Variants in PDE4D observed in about 807,000 individuals in gnomAD.
PDE4D encodes phosphodiesterase 4D.
Under a neutral mutation model 87.4 loss-of-function variants are expected in PDE4D, and 24 were observed. That is an observed-to-expected ratio of 0.27 (90% confidence interval 0.20 to 0.39). PDE4D has a LOEUF of 0.39. PDE4D is among the 10% of genes least tolerant of loss of function. The pLI is 1.00. For missense variants in PDE4D, 714 were observed against 1,041.0 expected (o/e 0.69, Z 4.32); for synonymous variants, 384 against 383.2 (o/e 1.00, Z -0.02).
rs1261595268 is a variant in PDE4D at position 60,315,725 on chromosome 5, G to A, written c.-89-130038C>T. Among the ~76,000 whole-genome samples the A allele has an allele frequency of 4.6e-5, 7 of 152,148 alleles. No homozygotes were observed. In the East Asian group the frequency reaches 7.7e-4, roughly 17 times the overall value. ...CATATGGCTAGCCAGTTTTCCCAGT[G>A]CCATTTATTAAATAGGGAATCCTTT... On this transcript the variant is annotated intron_variant, in intron 1 of 16. Transcript: ENST00000502484.
chr5:59,259,664 GA>G (rs140337911), intron 1 of PDE4D, among the ~76,000 whole-genome samples: 12,213 of 151,438 alleles, frequency 0.081, 624 homozygotes, highest in Non-Finnish European at 0.12. Flanking sequence ...GGATAACTGA[GA>G]AAAAAAAGAA....
chr5:60,207,350 AT>A (rs1201312476), intron 1 of PDE4D, among the ~76,000 whole-genome samples: 1 of 152,224 alleles, frequency 6.6e-6, no homozygotes, highest in Non-Finnish European at 1.5e-5. Context: ...CTTAGCTTGG[AT>A]TTGATCCAGT....
At chr5:59,745,119 CA>C (rs1759417170) in intron 1 of PDE4D, among the ~76,000 whole-genome samples, 1 of 152,048 alleles carries the variant, frequency 6.6e-6, no homozygotes, top group African/African-American at 2.4e-5. Flanking sequence ...ATGCTTTCTT[CA>C]ATGAATATGG....
chr5:59,780,069 A>G (rs1021082182), intron 1 of PDE4D, among the ~76,000 whole-genome samples: 4 of 152,198 alleles, frequency 2.6e-5, no homozygotes, highest in Admixed American at 6.5e-5. Flanking sequence ...AGAAATTAAG[A>G]AGAGCGTCAG....
chr5:59,797,819 T>A (rs1387591223), intron 1 of PDE4D, among the ~76,000 whole-genome samples: 1 of 152,156 alleles, frequency 6.6e-6, no homozygotes, highest in East Asian at 1.9e-4. Flanking sequence ...ATTATTATTA[T>A]TATTTACTAG....
intron 1 of PDE4D, among the ~76,000 whole-genome samples, chr5:59,544,163 G>A (rs1816858410): frequency 6.6e-6 from 1 of 152,150 alleles, no homozygotes; most frequent in Admixed American, 6.6e-5. Context: ...CTGCAGCAAG[G>A]AAAACTAGGT....
intron 1 of PDE4D, among the ~76,000 whole-genome samples, chr5:59,311,063 C>T (rs1772480776): frequency 6.6e-6 from 1 of 152,100 alleles, no homozygotes; most frequent in Admixed American, 6.6e-5. Flanking sequence ...CAGCCAGAGG[C>T]CACAGGTGCA....
rs575400574 is a variant in PDE4D at position 59,824,318 on chromosome 5, C to T, written c.455+68850G>A. On this transcript the variant is annotated intron_variant, in intron 1 of 14. Coordinates refer to ENST00000340635, the MANE Select transcript of PDE4D (RefSeq NM_001104631.2). Reference sequence around the variant, plus strand: ...CTCTTCTAGTACATGTCCACTGGAACTGGCCACGTTTCAAGTGCTCCATCA... The same window carrying T: ...CTCTTCTAGTACATGTCCACTGGAATTGGCCACGTTTCAAGTGCTCCATCA... 3.9e-5 allele frequency among the ~76,000 whole-genome samples: 6 copies of T among 152,284 alleles called. No individual in the cohort carries two copies. The South Asian group carries it at 1.2e-3, about 32-fold the overall frequency.
chr5:59,171,184 T>A (rs1278863161), intron 5 of PDE4D, among the ~76,000 whole-genome samples: 1 of 151,918 alleles, frequency 6.6e-6, no homozygotes, highest in African/African-American at 2.4e-5. Context: ...ACCTGGCTCA[T>A]ACTTTCACTT....
intron 1 of PDE4D, among the ~76,000 whole-genome samples, chr5:59,425,892 T>A (rs910041378): frequency 4.6e-5 from 7 of 152,324 alleles, no homozygotes; most frequent in Admixed American, 4.6e-4. Flanking sequence ...ATGGGCTGAA[T>A]TGTGTCTACC....
chr5:59,514,394 C>T (rs912902006), intron 1 of PDE4D, among the ~76,000 whole-genome samples: 6 of 152,120 alleles, frequency 3.9e-5, no homozygotes, highest in Non-Finnish European at 8.8e-5. Context: ...CGTGAGCCAC[C>T]GCACCCGGCC....
At chr5:59,346,854 T>C (rs1410672378) in intron 1 of PDE4D, among the ~76,000 whole-genome samples, 2 of 152,306 alleles carry the variant, frequency 1.3e-5, no homozygotes, top group Middle Eastern at 3.4e-3. Flanking sequence ...AGTCCTTTTC[T>C]AGAACCAGTA....
intron 6 of PDE4D, among the ~76,000 whole-genome samples, 158 bp downstream of exon 6, chr5:59,038,701 C>T (rs1023246082): frequency 6.6e-6 from 1 of 152,164 alleles, no homozygotes; most frequent in East Asian, 1.9e-4. Flanking sequence ...GGAGGCAAAG[C>T]AAGGAAACAG....
chr5:60,024,674 A>ATTTT (rs1766434494), intron 2 of PDE4D, among the ~76,000 whole-genome samples: 2 of 152,170 alleles, frequency 1.3e-5, no homozygotes, highest in African/African-American at 4.8e-5. Flanking sequence ...CAAATTTGTA[A>ATTTT]GTCATATTTT....
intron 1 of PDE4D, among the ~76,000 whole-genome samples, chr5:60,318,898 C>T (rs1240858334): frequency 2.0e-5 from 3 of 152,148 alleles, no homozygotes; most frequent in Admixed American, 6.5e-5. Context: ...CCCGACCTTC[C>T]TCTCTGGCTG....
chr5:59,158,817 C>T (rs1321452883), intron 5 of PDE4D, among the ~76,000 whole-genome samples: 1 of 152,198 alleles, frequency 6.6e-6, no homozygotes, highest in African/African-American at 2.4e-5. Flanking sequence ...GAGGTCATTG[C>T]TCTTTCCTGG....
At chr5:59,479,721 C>G (rs1803925156) in intron 1 of PDE4D, among the ~76,000 whole-genome samples, 7 of 152,012 alleles carry the variant, frequency 4.6e-5, no homozygotes, top group Admixed American at 4.6e-4. Context: ...AATACATATG[C>G]CGAGTGGTAA....
rs532753284 is a variant in PDE4D at position 59,868,376 on chromosome 5, G to A, written c.455+24792C>T. On this transcript the variant is annotated intron_variant, in intron 1 of 14. Transcript: ENST00000340635. The stretch of plus-strand genomic sequence containing the variant: ...CATCTAGGTTCTCATGTCTGCTTCC[G>A]TATTCAATCTGTTATGAAATAATAT... Among the ~76,000 whole-genome samples, 20 of 152,130 alleles carry A rather than the reference G, an allele frequency of 1.3e-4. No homozygotes were observed. In the East Asian group the frequency reaches 2.5e-3, roughly 19 times the overall value.
At position 59,992,497 on chromosome 5, in the gene PDE4D, T is replaced by C. The variant is rs1365547796; in HGVS notation, c.43-3780A>G. ...AATACATGTGTAAATACTCTTCTTC[T>C]GGATGAACATAGAAAAGAAGAACAA... On this transcript the variant is annotated intron_variant, in intron 2 of 16. Transcript: ENST00000502484. 2.6e-5 allele frequency among the ~76,000 whole-genome samples: 4 copies of C among 152,194 alleles called. 1 individual carries two copies. Among genetic ancestry groups the C allele is most frequent in the Admixed American group, 6.5e-5 (1 of 15,272 alleles).
Sources: gnomAD v4.1 joint callset for allele counts (sites outside exome capture counted in the v4.1 genomes callset) on GRCh38, gnomAD v4.1.1 for gene constraint, MANE v1.5 for transcripts, NCBI Gene and HGNC (gene_info 2026-07-23, HGNC 2026-07-21) for gene names.